Variants in PTPRM observed in about 807,000 individuals in gnomAD.
The protein encoded by PTPRM is protein tyrosine phosphatase receptor type M.
A neutral mutation model predicts 186.7 loss-of-function variants in PTPRM; 47 were observed. The ratio of observed to expected loss-of-function variants is 0.25; its 90% CI spans 0.20 to 0.32. The LOEUF (loss-of-function observed/expected upper bound fraction) is 0.32, where lower values mean the gene tolerates loss of function less well. Ranked by LOEUF, PTPRM falls within the 10% of genes least tolerant of loss-of-function variation. The probability of loss-of-function intolerance (pLI) is 1.00; values close to 1 mark genes in which losing one functional copy is unlikely to be tolerated. For synonymous variants in PTPRM, 668 were observed against 674.9 expected, an observed-to-expected ratio of 0.99 and a Z score of 0.16; for missense variants, 1,494 against 1,865.0, an observed-to-expected ratio of 0.80 and a Z score of 3.66.
intron 7 of PTPRM, among the ~76,000 whole-genome samples, chr18:8,007,260 C>G (rs2084247110): frequency 6.6e-6 from 1 of 152,164 alleles, no homozygotes; most frequent in Non-Finnish European, 1.5e-5. Context: ...ATACGCTTCT[C>G]AAAACACTTG....
In PTPRM at chr18:8,273,770, G is replaced by A. The variant is rs184640892; in HGVS notation, c.2754+20356G>A. ...GACTGACAGTATTTAGAAACAATAC[G>A]ACTTGTCCTGTAAGTCTGATGAGCA... On this transcript the variant is annotated intron_variant, in intron 19 of 32. Coordinates refer to ENST00000580170, the MANE Select transcript of PTPRM (RefSeq NM_001105244.2). 7.9e-5 allele frequency among the ~76,000 whole-genome samples: 12 copies of A among 152,248 alleles called. 1 individual carries two copies. In the Middle Eastern group the frequency reaches 0.01, roughly 129 times the overall value.
chr18:8,004,475 A>G (rs937142142), intron 7 of PTPRM, among the ~76,000 whole-genome samples: 2 of 152,032 alleles, frequency 1.3e-5, no homozygotes, highest in Non-Finnish European at 1.5e-5. Flanking sequence ...TAAAAAAAAA[A>G]AAAGAAAATG....
intron 32 of PTPRM, among the ~76,000 whole-genome samples, chr18:8,400,056 A>C (rs2095864038): frequency 1.3e-5 from 2 of 152,184 alleles, no homozygotes; most frequent in Admixed American, 1.3e-4. Flanking sequence ...GAAAAAGGGC[A>C]CAGGTTAGTG....
At chr18:7,981,644 G>A (rs1294707745) in intron 7 of PTPRM, among the ~76,000 whole-genome samples, 1 of 152,190 alleles carries the variant, frequency 6.6e-6, no homozygotes, top group Non-Finnish European at 1.5e-5. Context: ...ATGCAGTCAT[G>A]CATCCTTAAG....
intron 14 of PTPRM, among the ~76,000 whole-genome samples, chr18:8,176,814 A>T (rs2093489897): frequency 6.6e-6 from 1 of 152,242 alleles, no homozygotes; most frequent in Non-Finnish European, 1.5e-5. Flanking sequence ...CTCGGCAATA[A>T]TAAAGGCTGC....
intron 1 of PTPRM, among the ~76,000 whole-genome samples, chr18:7,676,968 A>G (rs1369206212): frequency 6.6e-6 from 1 of 152,222 alleles, no homozygotes; most frequent in Non-Finnish European, 1.5e-5. Context: ...ATAAGCCAAG[A>G]CTAGGTCCAG....
chr18:8,003,253 G>T (rs2147787985), intron 7 of PTPRM, among the ~76,000 whole-genome samples: 1 of 152,274 alleles, frequency 6.6e-6, no homozygotes, highest in Middle Eastern at 3.4e-3. Context: ...TGTAAATGGA[G>T]GTTCCCCTGC....
At chr18:8,264,124 T>C (rs2094669361) in intron 19 of PTPRM, among the ~76,000 whole-genome samples, 1 of 152,130 alleles carries the variant, frequency 6.6e-6, no homozygotes, top group Non-Finnish European at 1.5e-5. Context: ...TGATGTCCAC[T>C]GGAGAGTTGT....
At chr18:8,004,914 A>G (rs2084087075) in intron 7 of PTPRM, among the ~76,000 whole-genome samples, 1 of 152,058 alleles carries the variant, frequency 6.6e-6, no homozygotes, top group African/African-American at 2.4e-5. Flanking sequence ...TTTCCCTCAA[A>G]TGGTTCCCCC....
At chr18:8,298,259 CTA>C (rs1351142186) in intron 20 of PTPRM, among the ~76,000 whole-genome samples, 1 of 152,206 alleles carries the variant, frequency 6.6e-6, no homozygotes, top group Middle Eastern at 3.2e-3. Flanking sequence ...CTCCTGATGG[CTA>C]TGACATCCTT....
intron 7 of PTPRM, among the ~76,000 whole-genome samples, chr18:7,955,759 C>A (rs1334425739): frequency 6.6e-6 from 1 of 152,050 alleles, no homozygotes; most frequent in African/African-American, 2.4e-5. Context: ...TTACTTGGGC[C>A]CCTTTGTTTT....
intron 17 of PTPRM, among the ~76,000 whole-genome samples, chr18:8,250,839 A>C (rs2094521766): frequency 6.6e-6 from 1 of 152,048 alleles, no homozygotes; most frequent in African/African-American, 2.4e-5. Context: ...ATTTTTAAAC[A>C]CATAAAGGAA....
chr18:8,116,688 A>G (rs2091969619), intron 13 of PTPRM, among the ~76,000 whole-genome samples: 1 of 152,228 alleles, frequency 6.6e-6, no homozygotes, highest in Non-Finnish European at 1.5e-5. Context: ...ACACTAGTAA[A>G]TGTGGAAACC....
At chr18:8,375,611 C>G (rs1365338933) in intron 24 of PTPRM, among the ~76,000 whole-genome samples, 1 of 152,154 alleles carries the variant, frequency 6.6e-6, no homozygotes, top group African/African-American at 2.4e-5. Flanking sequence ...CCGGAAAGCC[C>G]CAACACGGAG....
chr18:7,874,928 C>T (rs1430784838), intron 2 of PTPRM, among the ~76,000 whole-genome samples: 28 of 152,204 alleles, frequency 1.8e-4, no homozygotes, highest in Admixed American at 1.6e-3. Flanking sequence ...CGCAGTGGCT[C>T]ATGCCTGTAA....
chr18:8,333,292 C>G (rs1321594236), intron 22 of PTPRM, among the ~76,000 whole-genome samples: 3 of 152,164 alleles, frequency 2.0e-5, no homozygotes, highest in Non-Finnish European at 4.4e-5. Flanking sequence ...AGAACAAATG[C>G]AACTATCAAA....
chr18:8,323,125 G>A (rs2095355842), intron 22 of PTPRM, among the ~76,000 whole-genome samples: 1 of 152,092 alleles, frequency 6.6e-6, no homozygotes, highest in Non-Finnish European at 1.5e-5. Context: ...CATTGCACTC[G>A]GCTTTGTTTA....
At chr18:8,290,376 A>C (rs180778438) in intron 19 of PTPRM, among the ~76,000 whole-genome samples, 1 of 152,220 alleles carries the variant, frequency 6.6e-6, no homozygotes, top group Non-Finnish European at 1.5e-5. Flanking sequence ...TCTTTCTGGC[A>C]GCTTTTCTGT....
At chr18:8,301,989 G>T (rs750037490) in intron 20 of PTPRM, among the ~76,000 whole-genome samples, 1 of 152,244 alleles carries the variant, frequency 6.6e-6, no homozygotes, top group Non-Finnish European at 1.5e-5. Context: ...AGCAGCGGGA[G>T]TGGGGTAGGG....
Sources: allele counts gnomAD v4.1 joint callset (sites outside exome capture counted in the v4.1 genomes callset), GRCh38; gene constraint gnomAD v4.1.1; transcripts MANE v1.5; gene names NCBI Gene and HGNC (gene_info 2026-07-23, HGNC 2026-07-21).